TCF4: variants seen among roughly 807,000 people sequenced by gnomAD.
TCF4 encodes transcription factor 4.
A neutral mutation model predicts 82.1 loss-of-function variants in TCF4; 3 were observed. The ratio of observed to expected loss-of-function variants is 0.04; its 90% confidence interval spans 0.02 to 0.09. The LOEUF (loss-of-function observed/expected upper bound fraction) is 0.09, where lower values mean the gene tolerates loss of function less well. Ranked by LOEUF, TCF4 falls within the 10% of genes least tolerant of loss-of-function variation. The pLI is 1.00. For synonymous variants in TCF4, 276 were observed against 309.6 expected (o/e 0.89, Z 1.14); for missense variants, 518 against 852.7 (o/e 0.61, Z 4.89).
intron 15 of TCF4, among the ~76,000 whole-genome samples, chr18:55,242,818 T>G (rs564338267): frequency 3.9e-5 from 6 of 152,078 alleles, no homozygotes; most frequent in Non-Finnish European, 8.8e-5. Flanking sequence ...CCATGTTGGC[T>G]AGGCTGGTCT....
intron 2 of TCF4, among the ~76,000 whole-genome samples, chr18:55,615,939 A>G (rs2097711289): frequency 6.6e-6 from 1 of 152,122 alleles, no homozygotes; most frequent in Non-Finnish European, 1.5e-5. Flanking sequence ...GTGTTCATGA[A>G]GCATATTGGT....
Position 55,254,607 on chromosome 18 carries a change from C to A in TCF4, c.1240G>T (p.Gly414Cys), listed in dbSNP as rs1464195430. The change falls in exon 15 of 20, where the codon GGT becomes TGT. Residue 414 changes from glycine to cysteine, a missense_variant. Coordinates refer to ENST00000354452, the MANE Select transcript of TCF4 (RefSeq NM_001083962.2). ...ATGATTCCATGCATGTCCCCATGAC[C>A]ACCAGGCATAGCTGTGGATGGGCCC... Reference protein sequence around the residue: ...AVGPSTAMPGGHGDMHGIIGP... With the variant: ...AVGPSTAMPGCHGDMHGIIGP... The A allele has an allele frequency of 6.2e-7, 1 of 1,613,536 alleles. No homozygotes were observed. Among genetic ancestry groups the A allele is most frequent in the Non-Finnish European group, 8.5e-7 (1 of 1,179,862 alleles).
chr18:55,303,525 T>A (rs1454414166), intron 8 of TCF4, among the ~76,000 whole-genome samples: 1 of 152,174 alleles, frequency 6.6e-6, no homozygotes, highest in East Asian at 1.9e-4. Flanking sequence ...TTACTTGCAA[T>A]TTTTCTCTTT....
chr18:55,347,051 T>A (rs2081327022), intron 8 of TCF4, among the ~76,000 whole-genome samples: 1 of 151,936 alleles, frequency 6.6e-6, no homozygotes, highest in Non-Finnish European at 1.5e-5. Flanking sequence ...AAATATTGAG[T>A]TTAAGATGAA....
intron 3 of TCF4, among the ~76,000 whole-genome samples, chr18:55,526,045 A>G (rs1324626938): frequency 2.0e-5 from 3 of 152,222 alleles, no homozygotes; most frequent in Non-Finnish European, 4.4e-5. Flanking sequence ...GGCATCAGGT[A>G]GCCACTTATA....
chr18:55,446,063 T>A (rs1221187551), intron 5 of TCF4, among the ~76,000 whole-genome samples: 1 of 152,110 alleles, frequency 6.6e-6, no homozygotes, highest in Non-Finnish European at 1.5e-5. Context: ...CAGATTCTGG[T>A]AATGTTTTTC....
At position 55,420,234 on chromosome 18, in the gene TCF4, GAGA is replaced by G. The variant is rs543586659; in HGVS notation, c.305-16719_305-16717del. ...GTTTCCCTAAAGGAATACACCAGGG[GAGA>G]AGATGTCTCTAAAGTCATCTTTATC... is the stretch of plus-strand genomic sequence containing the variant. On this transcript the variant is annotated intron_variant, in intron 5 of 19. Transcript: ENST00000354452. 5.1e-3 allele frequency among the ~76,000 whole-genome samples: 773 copies of G among 152,250 alleles called. 4 individuals are homozygous for G. Among genetic ancestry groups the G allele is most frequent in the Non-Finnish European group, 6.9e-3 (466 of 68,012 alleles).
At chr18:55,501,190 A>C (rs559855624) in intron 3 of TCF4, among the ~76,000 whole-genome samples, 1 of 152,312 alleles carries the variant, frequency 6.6e-6, no homozygotes, top group Non-Finnish European at 1.5e-5. Flanking sequence ...CAAAAAAGCC[A>C]TATTTTCATG....
chr18:55,447,553 G>A (rs1186708576), intron 5 of TCF4, among the ~76,000 whole-genome samples: 1 of 152,070 alleles, frequency 6.6e-6, no homozygotes, highest in Non-Finnish European at 1.5e-5. Context: ...GTGAATGACT[G>A]TACGAACCAA....
At chr18:55,322,104 CCTTTT>C (rs2075685115) in intron 8 of TCF4, 1 of 980,878 alleles carries the variant, frequency 1.0e-6, no homozygotes, top group South Asian at 5.0e-5. Context: ...TTTTTTTTTT[CCTTTT>C]TTTTTTTTTT....
chr18:55,245,488 C>T (rs924347495), intron 15 of TCF4, among the ~76,000 whole-genome samples: 1 of 152,208 alleles, frequency 6.6e-6, no homozygotes, highest in African/African-American at 2.4e-5. Flanking sequence ...AAAGCTCGCT[C>T]TTCCTGTGGA....
intron 1 of TCF4, among the ~76,000 whole-genome samples, chr18:55,634,673 T>C (rs2097734595): frequency 6.6e-6 from 1 of 152,192 alleles, no homozygotes; most frequent in South Asian, 2.1e-4. Context: ...TGCAATTTTA[T>C]CCTATATTAA....
chr18:55,611,540 C>T (rs1160905901), intron 2 of TCF4, among the ~76,000 whole-genome samples: 1 of 152,036 alleles, frequency 6.6e-6, no homozygotes, highest in Admixed American at 6.6e-5. Context: ...AATGATTTTC[C>T]GAAGTTGTCA....
At chr18:55,598,824 C>T (rs2097693847) in intron 2 of TCF4, among the ~76,000 whole-genome samples, 1 of 152,216 alleles carries the variant, frequency 6.6e-6, no homozygotes, top group Admixed American at 6.5e-5. Context: ...GCTCCAGCTT[C>T]ATTTCTCTAC....
At chr18:55,560,914 C>T (rs2097349796) in intron 3 of TCF4, among the ~76,000 whole-genome samples, 1 of 152,102 alleles carries the variant, frequency 6.6e-6, no homozygotes, top group African/African-American at 2.4e-5. Flanking sequence ...AGATGATTTT[C>T]CTATAGAAAT....
At chr18:55,362,438 A>AGGAAGGAAGGAAGGAAGGAAGGAAGG (rs1569192843) in intron 6 of TCF4, among the ~76,000 whole-genome samples, 2 of 124,686 alleles carry the variant, frequency 1.6e-5, no homozygotes, top group African/African-American at 7.0e-5. Flanking sequence ...AGGAAGGAAA[A>AGGAAGGAAGGAAGGAAGGAAGGAAGG]AAAAAAAGAA....
intron 13 of TCF4, chr18:55,259,662 C>A: frequency 2.8e-6 from 1 of 352,050 alleles, no homozygotes; most frequent in South Asian, 4.2e-5. Context: ...CATTATTCTG[C>A]CGTTGGGTGT....
At chr18:55,315,127 C>A (rs1306002473) in intron 8 of TCF4, among the ~76,000 whole-genome samples, 1 of 152,090 alleles carries the variant, frequency 6.6e-6, no homozygotes, top group Non-Finnish European at 1.5e-5. Flanking sequence ...GGATGCCAGC[C>A]AAAGCCTGCA....
At chr18:55,247,063 C>T (rs979352712) in intron 15 of TCF4, among the ~76,000 whole-genome samples, 7 of 152,140 alleles carry the variant, frequency 4.6e-5, no homozygotes, top group African/African-American at 1.2e-4. Flanking sequence ...GCTGCATGCC[C>T]GGCTTCTGTG....
Sources: allele counts gnomAD v4.1 joint callset (sites outside exome capture counted in the v4.1 genomes callset), GRCh38; gene constraint gnomAD v4.1.1; transcripts MANE v1.5; gene names NCBI Gene and HGNC (gene_info 2026-07-23, HGNC 2026-07-21).